EBF1: variants seen among roughly 807,000 people sequenced by gnomAD.
The protein encoded by EBF1 is EBF transcription factor 1.
A neutral mutation model predicts 68.4 loss-of-function variants in EBF1; 10 were observed. The observed-to-expected ratio is 0.15, with a 90% CI of 0.09 to 0.25. The LOEUF is 0.25. Ranked by LOEUF, EBF1 falls within the 10% of genes least tolerant of loss-of-function variation. The pLI is 1.00. For missense variants in EBF1, 509 were observed against 794.4 expected (o/e 0.64, Z 4.32); for synonymous variants, 298 against 299.8 (o/e 0.99, Z 0.06).
intron 6 of EBF1, among the ~76,000 whole-genome samples, chr5:158,922,444 C>T (rs1321043882): frequency 6.6e-6 from 1 of 152,218 alleles, no homozygotes; most frequent in Non-Finnish European, 1.5e-5. Flanking sequence ...TTCCACTTTG[C>T]TGGAAGACAG....
chr5:159,052,504 G>T (rs1280374799), intron 6 of EBF1, among the ~76,000 whole-genome samples: 1 of 152,070 alleles, frequency 6.6e-6, no homozygotes, highest in African/African-American at 2.4e-5. Flanking sequence ...ATCAGTTCGG[G>T]GTTTCTCTAA....
chr5:158,981,187 G>A (rs1757831407), intron 6 of EBF1, among the ~76,000 whole-genome samples: 1 of 151,514 alleles, frequency 6.6e-6, no homozygotes, highest in Admixed American at 6.6e-5. Context: ...TAATATCCTT[G>A]CATCAAAATG....
chr5:159,047,593 A>T (rs1772679043), intron 6 of EBF1, among the ~76,000 whole-genome samples: 1 of 152,202 alleles, frequency 6.6e-6, no homozygotes, highest in Non-Finnish European at 1.5e-5. Context: ...TCCATCAATA[A>T]TAAGGAGGAA....
At chr5:158,734,405 C>T (rs889019192) in intron 10 of EBF1, among the ~76,000 whole-genome samples, 13 of 152,008 alleles carry the variant, frequency 8.6e-5, no homozygotes, top group African/African-American at 2.9e-4. Flanking sequence ...AATAACCTTG[C>T]ATAGGTTATT....
chr5:159,019,268 C>T (rs984151685), intron 6 of EBF1: 1 of 152,210 alleles, frequency 6.6e-6, no homozygotes, highest in African/African-American at 2.4e-5. Flanking sequence ...AATTCTAAAT[C>T]TCTGTATAAT....
chr5:159,080,347 T>A (rs1454606913), intron 5 of EBF1, among the ~76,000 whole-genome samples: 1 of 152,198 alleles, frequency 6.6e-6, no homozygotes, highest in Non-Finnish European at 1.5e-5. Flanking sequence ...TAGAGTGCAG[T>A]CTCGTTATCT....
At chr5:159,039,430 C>T (rs1356099289) in intron 6 of EBF1, among the ~76,000 whole-genome samples, 1 of 152,170 alleles carries the variant, frequency 6.6e-6, no homozygotes, top group Non-Finnish European at 1.5e-5. Context: ...TAAAATAAAA[C>T]TACTATATAA....
intron 6 of EBF1, among the ~76,000 whole-genome samples, chr5:158,906,805 G>A (rs1449514789): frequency 6.6e-6 from 1 of 152,194 alleles, no homozygotes; most frequent in Admixed American, 6.5e-5. Context: ...ATCTTGAAAT[G>A]TTTACTAGCG....
intron 6 of EBF1, among the ~76,000 whole-genome samples, chr5:158,905,185 A>G (rs1205730129): frequency 6.6e-6 from 1 of 150,974 alleles, no homozygotes; most frequent in Non-Finnish European, 1.5e-5. Flanking sequence ...TTCTGCAAAA[A>G]CCTCCCCCAT....
intron 8 of EBF1, among the ~76,000 whole-genome samples, chr5:158,806,946 A>C (rs1321030323): frequency 6.6e-6 from 1 of 152,140 alleles, no homozygotes; most frequent in African/African-American, 2.4e-5. Flanking sequence ...ACACGCAGCT[A>C]TTTACATTTA....
At chr5:159,089,287 A>G (rs1248619377) in intron 4 of EBF1, among the ~76,000 whole-genome samples, 5 of 152,208 alleles carry the variant, frequency 3.3e-5, no homozygotes, top group Admixed American at 3.3e-4. Context: ...TTTCACTGTT[A>G]TGAATAAAAT....
chr5:158,967,176 G>C (rs1754347560), intron 6 of EBF1, among the ~76,000 whole-genome samples: 2 of 152,226 alleles, frequency 1.3e-5, no homozygotes, highest in Non-Finnish European at 2.9e-5. Context: ...TGCACAGGGA[G>C]CTCCCAGGAG....
At chr5:158,989,885 G>A (rs543259430) in intron 6 of EBF1, among the ~76,000 whole-genome samples, 6 of 152,252 alleles carry the variant, frequency 3.9e-5, no homozygotes, top group African/African-American at 1.4e-4. Flanking sequence ...TTATTTCTAT[G>A]CAAAACTCTA....
intron 6 of EBF1, among the ~76,000 whole-genome samples, chr5:159,065,917 CT>C (rs1298236350): frequency 6.6e-6 from 1 of 152,086 alleles, no homozygotes; most frequent in Non-Finnish European, 1.5e-5. Flanking sequence ...TCTGTCAGTC[CT>C]TTTTCCCCCT....
intron 8 of EBF1, among the ~76,000 whole-genome samples, chr5:158,814,529 C>T (rs943383238): frequency 2.6e-5 from 4 of 152,114 alleles, no homozygotes; most frequent in Non-Finnish European, 4.4e-5. Flanking sequence ...GGAAATTTCC[C>T]ACAGTTTACA....
chr5:159,008,578 A>G (rs564164556), intron 6 of EBF1, among the ~76,000 whole-genome samples: 2 of 149,830 alleles, frequency 1.3e-5, no homozygotes, highest in African/African-American at 2.5e-5. Context: ...CAGGCTGGAC[A>G]GCAGTGGCAC....
chr5:159,040,873 T>C (rs1771065592), intron 6 of EBF1, among the ~76,000 whole-genome samples: 1 of 152,186 alleles, frequency 6.6e-6, no homozygotes. Flanking sequence ...CTGATGCCGA[T>C]GGGGGTGACA....
At position 159,007,416 on chromosome 5, in the gene EBF1, T is replaced by TTA. The variant is rs537067559; in HGVS notation, c.554+65978_554+65979dup. Among the ~76,000 whole-genome samples the TTA allele has an allele frequency of 6.6e-5, 10 of 152,330 alleles. No individual in the cohort carries two copies. The South Asian group carries it at 1.7e-3, about 25-fold the overall frequency. On this transcript the variant is annotated intron_variant, in intron 6 of 15. Coordinates refer to ENST00000313708, the MANE Select transcript of EBF1 (RefSeq NM_024007.5). ...TTCTGGAATGCTTTTGGATGACTGT[T>TTA]TATATGTTAAAATCAACATTTAAAT...
chr5:159,081,059 C>A (rs977209872), intron 5 of EBF1, among the ~76,000 whole-genome samples: 4 of 152,186 alleles, frequency 2.6e-5, no homozygotes, highest in Non-Finnish European at 5.9e-5. Context: ...GGGCTCACTG[C>A]AGCCTGGATC....
Sources: allele counts gnomAD v4.1 joint callset (sites outside exome capture counted in the v4.1 genomes callset), GRCh38; gene constraint gnomAD v4.1.1; transcripts MANE v1.5; gene names NCBI Gene and HGNC (gene_info 2026-07-23, HGNC 2026-07-21).